Variants in TMPRSS11F observed in about 807,000 individuals in gnomAD.
TMPRSS11F encodes transmembrane protease serine 11F.
Under a neutral mutation model 60.2 loss-of-function variants are expected in TMPRSS11F, and 47 were observed. The observed-to-expected ratio is 0.78, with a 90% CI of 0.62 to 1.00. The LOEUF (loss-of-function observed/expected upper bound fraction) is 1.00. Among genes scored for constraint, TMPRSS11F ranks in the 50% least tolerant of loss-of-function variants. The probability of loss-of-function intolerance (pLI) is 0.00; values close to 1 mark genes in which losing one functional copy is unlikely to be tolerated. For missense variants in TMPRSS11F, 519 were observed against 522.9 expected (o/e 0.99, Z 0.07); for synonymous variants, 166 against 167.3 (o/e 0.99, Z 0.06).
At chr4:68,124,792 A>T (rs918581950) in intron 1 of TMPRSS11F, among the ~76,000 whole-genome samples, 7 of 152,146 alleles carry the variant, frequency 4.6e-5, no homozygotes, top group African/African-American at 1.7e-4. Flanking sequence ...TTACAATAGT[A>T]TCTAGACACA....
chr4:68,111,795 G>A (rs917279730), intron 1 of TMPRSS11F, among the ~76,000 whole-genome samples: 2 of 152,158 alleles, frequency 1.3e-5, no homozygotes, highest in African/African-American at 4.8e-5. Context: ...TTAAGGCTTA[G>A]AGAGACTAAT....
chr4:68,095,895 CAA>C (rs56309846), intron 2 of TMPRSS11F, among the ~76,000 whole-genome samples: 1,456 of 83,540 alleles, frequency 0.017, 14 homozygotes, highest in African/African-American at 0.059. Context: ...GATTCCATCT[CAA>C]AAAAAAAAAA....
chr4:68,113,449 T>C (rs1260472225), intron 1 of TMPRSS11F, among the ~76,000 whole-genome samples: 1 of 148,864 alleles, frequency 6.7e-6, no homozygotes, highest in Non-Finnish European at 1.5e-5. Context: ...TGAAGTGCAG[T>C]AAAGTGAATC....
At chr4:68,105,238 G>A (rs917521712) in intron 1 of TMPRSS11F, among the ~76,000 whole-genome samples, 2 of 151,798 alleles carry the variant, frequency 1.3e-5, no homozygotes, top group Non-Finnish European at 2.9e-5. Flanking sequence ...TTGTTATTTA[G>A]TTCTTTTGAA....
intron 7 of TMPRSS11F, among the ~76,000 whole-genome samples, chr4:68,065,737 T>C (rs1332732332): frequency 1.3e-5 from 2 of 150,728 alleles, no homozygotes; most frequent in African/African-American, 2.4e-5. Context: ...AGGATTACTA[T>C]GTTGGTGAAT....
intron 2 of TMPRSS11F, among the ~76,000 whole-genome samples, chr4:68,095,951 C>T (rs1724067025): frequency 6.7e-6 from 1 of 148,762 alleles, no homozygotes; most frequent in Non-Finnish European, 1.5e-5. Flanking sequence ...TCTGCATCTG[C>T]ATAGTTCCTA....
At chr4:68,055,601 A>C (rs1212581051) in intron 9 of TMPRSS11F, among the ~76,000 whole-genome samples, 1 of 152,190 alleles carries the variant, frequency 6.6e-6, no homozygotes, top group Admixed American at 6.5e-5. Flanking sequence ...CACCAAAGTC[A>C]AGTCTAGGAC....
At chr4:68,110,029 C>T (rs1577933212) in intron 1 of TMPRSS11F, among the ~76,000 whole-genome samples, 1 of 152,128 alleles carries the variant, frequency 6.6e-6, no homozygotes. Context: ...GGGGGAAATT[C>T]TTTTTATGTC....
intron 6 of TMPRSS11F, among the ~76,000 whole-genome samples, chr4:68,069,488 G>C (rs1723405445): frequency 6.6e-6 from 1 of 152,062 alleles, no homozygotes; most frequent in African/African-American, 2.4e-5. Context: ...AGAACTTAAA[G>C]TGTTACAACA....
intron 8 of TMPRSS11F, among the ~76,000 whole-genome samples, chr4:68,060,148 T>C (rs553450790): frequency 6.6e-6 from 1 of 151,268 alleles, no homozygotes; most frequent in Admixed American, 6.6e-5. Flanking sequence ...TGGATATGCA[T>C]GGGGCATTTG....
At chr4:68,111,816 T>C (rs980252804) in intron 1 of TMPRSS11F, among the ~76,000 whole-genome samples, 3 of 152,172 alleles carry the variant, frequency 2.0e-5, no homozygotes, top group African/African-American at 4.8e-5. Context: ...TTAGGCAAGG[T>C]AAATTTGACA....
chr4:68,102,734 C>T (rs1031895249), intron 1 of TMPRSS11F, among the ~76,000 whole-genome samples: 7 of 152,188 alleles, frequency 4.6e-5, no homozygotes, highest in South Asian at 2.1e-4. Flanking sequence ...CTCAGACATA[C>T]GGTTGCAAAT....
intron 3 of TMPRSS11F, among the ~76,000 whole-genome samples, chr4:68,078,096 T>C (rs1195898404): frequency 6.6e-6 from 1 of 152,158 alleles, no homozygotes; most frequent in East Asian, 1.9e-4. Flanking sequence ...GATGGTCCCC[T>C]GGCCTTTGGC....
intron 7 of TMPRSS11F, among the ~76,000 whole-genome samples, chr4:68,065,437 T>G (rs1723305897): frequency 6.6e-6 from 1 of 152,180 alleles, no homozygotes; most frequent in Non-Finnish European, 1.5e-5. Context: ...TATCCCTCCT[T>G]GATATACAAG....
intron 8 of TMPRSS11F, among the ~76,000 whole-genome samples, chr4:68,063,507 G>A (rs970669320): frequency 1.3e-5 from 2 of 151,976 alleles, no homozygotes; most frequent in Admixed American, 1.3e-4. Flanking sequence ...CTCCCAAGTA[G>A]CTGGGACTAC....
rs552010473 is a variant in TMPRSS11F, at chr4:68,074,073, T to A, written c.283-64A>T. ...AAAGTAAAATAAAAAAATAATTTTTTAAAAGAAGTATTAGTCTTAAGAAAA... is the reference window on the plus strand; with the variant it reads ...AAAGTAAAATAAAAAAATAATTTTTAAAAAGAAGTATTAGTCTTAAGAAAA... On this transcript the variant is annotated intron_variant, in intron 3 of 9. Transcript: ENST00000356291. 1.3e-5 allele frequency: 13 copies of A among 1,031,784 alleles called. No homozygotes were observed. The East Asian group carries it at 1.7e-4, about 13-fold the overall frequency. The allele number at this position is 1,031,784 out of a possible 1,614,324, so 63.9% of individuals were successfully genotyped here. A position where few individuals can be genotyped will look rare whatever the true frequency, so the allele number is the denominator to read the frequency against.
Position 68,070,153 on chromosome 4 carries a change from T to C in TMPRSS11F, c.515-146A>G. 3 of 544,876 alleles carry C rather than the reference T, an allele frequency of 5.5e-6. 1 individual carries two copies. The highest frequency in any genetic ancestry group is 9.3e-6 in the Non-Finnish European group (3 of 324,128). The allele number at this position is 544,876 out of a possible 1,614,324, so 33.8% of individuals were successfully genotyped here. A position where few individuals can be genotyped will look rare whatever the true frequency, so the allele number is the denominator to read the frequency against. On this transcript the variant is annotated intron_variant, in intron 5 of 9. Transcript: ENST00000356291. ...TATGAGATTTTTCATAATCAAGTCA[T>C]ATATAAATAACCCTTTACTCTGATT... is the stretch of plus-strand genomic sequence containing the variant.
chr4:68,104,616 C>G (rs1354284776), intron 1 of TMPRSS11F, among the ~76,000 whole-genome samples: 9 of 152,182 alleles, frequency 5.9e-5, no homozygotes, highest in Non-Finnish European at 1.3e-4. Flanking sequence ...GAGTCAATTA[C>G]ACCTCTTCCC....
intron 8 of TMPRSS11F, chr4:68,062,109 G>C: frequency 2.2e-6 from 1 of 450,108 alleles, no homozygotes; most frequent in Non-Finnish European, 4.4e-6. Context: ...TCATATTAAA[G>C]AACATTACAA....
Sources: allele counts gnomAD v4.1 joint callset (sites outside exome capture counted in the v4.1 genomes callset), GRCh38; gene constraint gnomAD v4.1.1; transcripts MANE v1.5; gene names NCBI Gene and HGNC (gene_info 2026-07-23, HGNC 2026-07-21).